AHRR: variants seen among roughly 807,000 people sequenced by gnomAD.
The protein encoded by AHRR is aryl hydrocarbon receptor repressor, also known as ahR repressor.
In AHRR, 28 loss-of-function variants were observed where a neutral mutation model predicts 44.0. The ratio of observed to expected loss-of-function variants is 0.64; its 90% CI spans 0.47 to 0.87. AHRR has a LOEUF of 0.87. AHRR is among the 40% of genes least tolerant of loss of function. The pLI, the probability that AHRR is intolerant of heterozygous loss-of-function variation, is 0.00. For missense variants in AHRR, 990 were observed against 953.9 expected (o/e 1.04, Z -0.50); for synonymous variants, 434 against 407.0 (o/e 1.07, Z -0.80).
rs112905060 is a variant in AHRR at position 359,462 on chromosome 5, C to T, written c.244+5551C>T. Among the ~76,000 whole-genome samples, 205 of 152,274 alleles carry T rather than the reference C, an allele frequency of 1.3e-3. 1 individual carries two copies. Among genetic ancestry groups the T allele is most frequent in the African/African-American group, 4.8e-3 (198 of 41,528 alleles). On this transcript the variant is annotated intron_variant, in intron 3 of 10. Transcript: ENST00000684583. Reference sequence around the variant, plus strand: ...CTGTGTCCACCTCTATGCGTAGGGCCGGAGTGCTGACGGGGCACAGAGGTG... The same window carrying T: ...CTGTGTCCACCTCTATGCGTAGGGCTGGAGTGCTGACGGGGCACAGAGGTG...
chr5:421,154 C>T (rs1275537400), intron 5 of AHRR: 10 of 575,432 alleles, frequency 1.7e-5, no homozygotes, highest in Non-Finnish European at 3.1e-5. Flanking sequence ...GCCGCCCCGC[C>T]TGGGAGGCCG....
intron 4 of AHRR, among the ~76,000 whole-genome samples, chr5:378,647 G>A (rs185902888): frequency 1.4e-3 from 210 of 152,322 alleles, no homozygotes; most frequent in African/African-American, 4.5e-3. Flanking sequence ...ATGGAGGAGT[G>A]GGGAGAGGTG....
At chr5:385,909 A>G (rs1187538275) in intron 4 of AHRR, among the ~76,000 whole-genome samples, 1 of 152,000 alleles carries the variant, frequency 6.6e-6, no homozygotes, top group Non-Finnish European at 1.5e-5. Flanking sequence ...ATTTTTTTCA[A>G]TGTTTTCTTT....
chr5:423,775 T>A, intron 6 of AHRR, 66 bp from the exon 7 acceptor site: 1 of 1,532,094 alleles, frequency 6.5e-7, no homozygotes, highest in Non-Finnish European at 8.8e-7. Flanking sequence ...TGGGCGTGGT[T>A]GTGCGTGTGA....
intron 4 of AHRR, among the ~76,000 whole-genome samples, chr5:402,079 C>T (rs557566017): frequency 4.5e-4 from 68 of 152,264 alleles, no homozygotes; most frequent in African/African-American, 1.6e-3. Context: ...ACCCCACATA[C>T]ATAAGGAACC....
At chr5:412,357 C>T (rs982154327) in intron 4 of AHRR, among the ~76,000 whole-genome samples, 8 of 152,134 alleles carry the variant, frequency 5.3e-5, no homozygotes, top group African/African-American at 9.7e-5. Context: ...AAAATGTGCC[C>T]GCACTAGAGG....
intron 3 of AHRR, among the ~76,000 whole-genome samples, chr5:372,545 A>G (rs1194822996): frequency 7.2e-5 from 11 of 152,062 alleles, no homozygotes; most frequent in Non-Finnish European, 1.3e-4. Flanking sequence ...AAGACCTGAA[A>G]TGGACCTTAC....
Position 434,800 on chromosome 5 carries a change from C to G in AHRR, c.2060C>G (p.Pro687Arg). Residue 687 changes from proline to arginine, a missense_variant, in exon 11 of 11, where the codon CCG becomes CGG. Coordinates refer to ENST00000684583, the MANE Select transcript of AHRR (RefSeq NM_001377236.1). ...AAAAGTGCCTTGGCCACGCTGGTCC[C>G]GCCCCAAGCTTCGGGGTGCACATTC... ...LPKSALATLV[P>R]PQASGCTFLP is the part of the protein sequence containing the mutation. 6.4e-7 allele frequency: 1 copy of G among 1,553,746 alleles called. No individual in the cohort carries two copies. The highest frequency in any genetic ancestry group is 8.7e-7 in the Non-Finnish European group (1 of 1,148,310).
At position 405,891 on chromosome 5, in the gene AHRR, C is replaced by T. The variant is rs954642122; in HGVS notation, c.352-7453C>T. Among the ~76,000 whole-genome samples, 2 of 152,228 alleles carry T rather than the reference C, an allele frequency of 1.3e-5. No homozygotes were observed. Among genetic ancestry groups the T allele is most frequent in the African/African-American group, 4.8e-5 (2 of 41,454 alleles). On this transcript the variant is annotated intron_variant, in intron 4 of 10. Coordinates refer to ENST00000684583, the MANE Select transcript of AHRR (RefSeq NM_001377236.1). The surrounding 1 kb of genome is among the most constrained non-coding windows in gnomAD (Gnocchi z 4.5). ...GCTCTCGGTCTGAGGCTGCGTCCTTCTGGTGTGGCTTTCCTCCTGAATTAG... is the reference window on the plus strand; with the variant it reads ...GCTCTCGGTCTGAGGCTGCGTCCTTTTGGTGTGGCTTTCCTCCTGAATTAG...
chr5:373,537 G>A (rs1743651233), intron 3 of AHRR, among the ~76,000 whole-genome samples: 2 of 152,216 alleles, frequency 1.3e-5, no homozygotes, highest in East Asian at 1.9e-4. Context: ...GAAGGACACC[G>A]CGCTCCCAGC....
At chr5:397,348 A>G (rs1434226844) in intron 4 of AHRR, among the ~76,000 whole-genome samples, 3 of 115,128 alleles carry the variant, frequency 2.6e-5, no homozygotes, top group Non-Finnish European at 5.6e-5. Context: ...GCCCCTGACC[A>G]TCCATGTTAG....
rs1012228414 is a variant in AHRR, at chr5:376,792, T to G, written c.351+76T>G. On this transcript the variant is annotated intron_variant, in intron 4 of 10. Transcript: ENST00000684583. ...CACGCGTGTTCAGGCTCAGTCATACTCCGTGTCACGCATGTTCAGGCCCTC... is the reference window on the plus strand; with the variant it reads ...CACGCGTGTTCAGGCTCAGTCATACGCCGTGTCACGCATGTTCAGGCCCTC... 5 of 1,312,726 alleles carry G rather than the reference T, an allele frequency of 3.8e-6. No individual in the cohort carries two copies. In the Admixed American group the frequency reaches 9.9e-5, roughly 26 times the overall value. 81.3% of individuals were successfully genotyped at this position (1,312,726 alleles called of 1,614,324 possible).
chr5:432,601 A>G (rs1736780425), intron 9 of AHRR, 77 bp downstream of exon 9: 4 of 1,552,024 alleles, frequency 2.6e-6, no homozygotes, highest in Non-Finnish European at 3.6e-6. Context: ...TTCCCCGCCC[A>G]GTGGAGATGT....
intron 1 of AHRR, among the ~76,000 whole-genome samples, chr5:322,297 C>T (rs1284789541): frequency 1.3e-5 from 2 of 152,192 alleles, no homozygotes; most frequent in Non-Finnish European, 2.9e-5. Flanking sequence ...ACCGGATGCC[C>T]TGAGAGAGCG....
At chr5:412,676 G>A (rs978687428) in intron 4 of AHRR, among the ~76,000 whole-genome samples, 2 of 148,344 alleles carry the variant, frequency 1.3e-5, no homozygotes, top group African/African-American at 5.0e-5. Flanking sequence ...AGCAGATACA[G>A]AAAAACACTT....
intron 2 of AHRR, among the ~76,000 whole-genome samples, chr5:344,949 GTGTGTGTGTGA>G (rs1742556585): frequency 1.7e-5 from 1 of 59,054 alleles, no homozygotes; most frequent in Non-Finnish European, 3.5e-5. Flanking sequence ...TGTGGGGGGG[GTGTGTGTGTGA>G]GGTTGGGGGC....
intron 10 of AHRR, 99 bp downstream of exon 10, chr5:433,046 AAAG>A (rs1736812976): frequency 2.2e-6 from 3 of 1,383,280 alleles, no homozygotes; most frequent in Non-Finnish European, 2.9e-6. Flanking sequence ...GAAAAATAAA[AAAG>A]ACGACAGCAG....
At position 411,800 on chromosome 5, in the gene AHRR, GTC is replaced by G. The variant is rs1735476114; in HGVS notation, c.352-1542_352-1541del. ...ATCATGGGAGTTAAAGTCTCCGAATGTCTGTGTTTTAAAGACACAAATGGAAA... is the reference window on the plus strand; with the variant it reads ...ATCATGGGAGTTAAAGTCTCCGAATGTGTGTTTTAAAGACACAAATGGAAA... On this transcript the variant is annotated intron_variant, in intron 4 of 10. Transcript: ENST00000684583. The surrounding 1 kb of genome is among the most constrained non-coding windows in gnomAD (Gnocchi z 4.2). Among the ~76,000 whole-genome samples, 3 of 152,218 alleles carry G rather than the reference GTC, an allele frequency of 2.0e-5. No individual in the cohort carries two copies.
At chr5:401,477 C>CCA (rs1021940350) in intron 4 of AHRR, among the ~76,000 whole-genome samples, 1 of 152,238 alleles carries the variant, frequency 6.6e-6, no homozygotes, top group African/African-American at 2.4e-5. Flanking sequence ...TCCATTGGCG[C>CCA]CAGCCCAGGG....
Sources: allele counts gnomAD v4.1 joint callset (sites outside exome capture counted in the v4.1 genomes callset), GRCh38; gene constraint gnomAD v4.1.1; non-coding constraint Gnocchi (gnomAD v3.1); transcripts MANE v1.5; gene names NCBI Gene and HGNC (gene_info 2026-07-23, HGNC 2026-07-21).